The following PARVB variants were observed in gnomAD, a reference collection of about 807,000 sequenced individuals.
PARVB encodes beta-parvin.
PARVB carries 46 observed loss-of-function variants against 47.0 expected under a neutral mutation model. The observed-to-expected ratio is 0.98, with a 90% CI of 0.77 to 1.25. The LOEUF is 1.25. Ranked by LOEUF, PARVB falls within the 50% of genes most tolerant of loss-of-function variation. The pLI is 0.00. For missense variants in PARVB, 473 were observed against 471.6 expected (o/e 1.00, Z -0.03); for synonymous variants, 196 against 196.3 (o/e 1.00, Z 0.01).
chr22:44,147,795 C>A, intron 8 of PARVB, 66 bp from the exon 9 acceptor site: 1 of 1,377,858 alleles, frequency 7.3e-7, no homozygotes, highest in South Asian at 1.2e-5. Flanking sequence ...TGGCAGGGCC[C>A]TGGATTAGGG....
rs148754659 is a variant in PARVB at position 44,016,357 on chromosome 22, A to G, written c.211+16684A>G. 7.7e-4 allele frequency among the ~76,000 whole-genome samples: 117 copies of G among 152,036 alleles called. 2 individuals are homozygous for G. In the East Asian group the frequency reaches 0.022, roughly 29 times the overall value. On this transcript the variant is annotated intron_variant, in intron 2 of 13. Transcript: ENST00000406477. ...GTGATCCGCCCGCCTCAGCCTCCCA[A>G]AGTGCTGGGATTACAGGCATGAGCC... is the stretch of plus-strand genomic sequence containing the variant.
intron 2 of PARVB, among the ~76,000 whole-genome samples, chr22:44,005,389 A>G (rs980340845): frequency 6.7e-6 from 1 of 148,640 alleles, no homozygotes; most frequent in African/African-American, 2.5e-5. Context: ...CTGAGATTAC[A>G]TGTATGAGGT....
chr22:44,052,578 C>A (rs1601530720), intron 1 of PARVB, among the ~76,000 whole-genome samples: 1 of 152,216 alleles, frequency 6.6e-6, no homozygotes, highest in Admixed American at 6.5e-5. Context: ...ATCAACTCTG[C>A]CTTGGAAGCA....
chr22:44,011,930 G>A (rs886610499), intron 2 of PARVB, among the ~76,000 whole-genome samples: 7 of 152,202 alleles, frequency 4.6e-5, no homozygotes, highest in East Asian at 1.9e-4. Flanking sequence ...CATTTTGCAA[G>A]CAGGTGATAC....
In PARVB at chr22:44,100,166, G is replaced by A. The variant is rs2052408960; in HGVS notation, c.273+43G>A. 3.3e-6 allele frequency: 5 copies of A among 1,521,602 alleles called. No individual in the cohort carries two copies. The African/African-American group carries it at 6.8e-5, about 21-fold the overall frequency. The allele number at this position is 1,521,602 out of a possible 1,614,324, so 94.3% of individuals were successfully genotyped here. A position where few individuals can be genotyped will look rare whatever the true frequency, so the allele number is the denominator to read the frequency against. ...GGTTGGAATCTTCCTCTTAGGGCGA[G>A]GACTTGGCTTTGGGGTTCAGGGCTC... On this transcript the variant is annotated intron_variant, in intron 3 of 12. Transcript: ENST00000338758.
At chr22:44,000,266 C>T (rs2050401071) in intron 2 of PARVB, among the ~76,000 whole-genome samples, 1 of 152,206 alleles carries the variant, frequency 6.6e-6, no homozygotes, top group Non-Finnish European at 1.5e-5. Flanking sequence ...TGTCTGAGGA[C>T]ATTATGTACA....
intron 9 of PARVB, chr22:44,148,196 C>T (rs2053728625): frequency 2.0e-6 from 1 of 491,614 alleles, no homozygotes; most frequent in Non-Finnish European, 3.7e-6. Flanking sequence ...TGACTCGAGA[C>T]CTTTTTTCAA....
At chr22:44,102,032 T>C (rs1302124239) in intron 3 of PARVB, among the ~76,000 whole-genome samples, 1 of 152,178 alleles carries the variant, frequency 6.6e-6, no homozygotes, top group South Asian at 2.1e-4. Flanking sequence ...TATTATGATA[T>C]TGGCTCACTT....
At chr22:44,034,706 CTTTTTTTT>C (rs34429203) in intron 1 of PARVB, among the ~76,000 whole-genome samples, 1 of 107,580 alleles carries the variant, frequency 9.3e-6, no homozygotes, top group Non-Finnish European at 1.9e-5. Flanking sequence ...CCACGTGTAA[CTTTTTTTT>C]TTTTTTTTTT....
chr22:44,164,416 C>CA lies in PARVB; in HGVS notation c.1018+486_1018+487insA, dbSNP rs71674584. On this transcript the variant is annotated intron_variant, in intron 12 of 12. Coordinates refer to ENST00000338758, the MANE Select transcript of PARVB (RefSeq NM_013327.5). ...CGGGCGGTTGCTTCCCTGTCCCCCC[C>CA]CCGGCTCCTGTGCCAAGTTACCTAT... Among the ~76,000 whole-genome samples the CA allele has an allele frequency of 3.8e-3, 484 of 127,872 alleles. 10 individuals carry two copies. Among genetic ancestry groups the CA allele is most frequent in the African/African-American group, 0.011 (444 of 39,550 alleles). 83.9% of individuals were successfully genotyped at this position (127,872 alleles called of 152,430 possible). A position where few individuals can be genotyped will look rare whatever the true frequency, so the allele number is the denominator to read the frequency against.
intron 1 of PARVB, among the ~76,000 whole-genome samples, chr22:44,076,175 G>A (rs2051768580): frequency 1.3e-5 from 2 of 152,244 alleles, no homozygotes; most frequent in Admixed American, 6.5e-5. Context: ...TCCATGAGGT[G>A]GCCCTCTCAG....
At position 44,062,760 on chromosome 22, in the gene PARVB, G is replaced by A. The variant is rs191828569; in HGVS notation, c.113-31168G>A. On this transcript the variant is annotated intron_variant, in intron 1 of 12. Coordinates refer to ENST00000338758, the MANE Select transcript of PARVB (RefSeq NM_013327.5). ...AGGCACACAGGGTGAGGCCTGGGAG[G>A]GCCCCCAGCACAGGAGCTTCTGTTG... Among the ~76,000 whole-genome samples, 270 of 152,332 alleles carry A rather than the reference G, an allele frequency of 1.8e-3. 1 individual carries two copies. Among genetic ancestry groups the A allele is most frequent in the African/African-American group, 6.4e-3 (267 of 41,564 alleles).
intron 12 of PARVB, among the ~76,000 whole-genome samples, chr22:44,164,739 C>G (rs922567896): frequency 6.6e-6 from 1 of 152,178 alleles, no homozygotes; most frequent in African/African-American, 2.4e-5. Context: ...TCTCCTGAGT[C>G]CCCCATGGTG....
At position 44,125,936 on chromosome 22, in the gene PARVB, A is replaced by C. The variant is rs1200922676; in HGVS notation, c.377-5551A>C. Among the ~76,000 whole-genome samples the C allele has an allele frequency of 6.6e-6, 1 of 152,162 alleles. No homozygotes were observed. Among genetic ancestry groups the C allele is most frequent in the Non-Finnish European group, 1.5e-5 (1 of 68,030 alleles). On this transcript the variant is annotated intron_variant, in intron 4 of 12. Coordinates refer to ENST00000338758, the MANE Select transcript of PARVB (RefSeq NM_013327.5). This position sits in a 1 kb window ranked among gnomAD's most constrained non-coding sequence, Gnocchi z 4.1. Reference sequence around the variant, plus strand: ...GGGCAGACATGGGGAGGTACTGTACAGTTAAACTGCCATAGGAACCAAGAC... The same window carrying C: ...GGGCAGACATGGGGAGGTACTGTACCGTTAAACTGCCATAGGAACCAAGAC...
intron 1 of PARVB, among the ~76,000 whole-genome samples, chr22:44,034,402 G>T (rs1050521436): frequency 1.3e-4 from 19 of 151,666 alleles, no homozygotes; most frequent in African/African-American, 4.6e-4. Flanking sequence ...ATATGTTTGA[G>T]ATGGGGGTCT....
At chr22:44,112,801 A>G (rs112747331) in intron 3 of PARVB, 3 of 135,760 alleles carry the variant, frequency 2.2e-5, no homozygotes, top group South Asian at 1.7e-4. Flanking sequence ...CAACACAGAT[A>G]CATTGTTACT....
upstream of PARVB, among the ~76,000 whole-genome samples, chr22:44,020,040 C>G (rs1478690476): frequency 3.9e-5 from 6 of 152,290 alleles, no homozygotes; most frequent in East Asian, 9.6e-4. Context: ...GATTTCTCCC[C>G]GCCAGCAAGT....
intron 9 of PARVB, chr22:44,149,468 C>G (rs770573941): frequency 6.6e-6 from 1 of 152,170 alleles, no homozygotes; most frequent in Non-Finnish European, 1.5e-5. Context: ...CTCCCTGGGT[C>G]GTCCCCTCCT....
chr22:44,072,072 C>T (rs1400371196), intron 1 of PARVB, among the ~76,000 whole-genome samples: 6 of 152,214 alleles, frequency 3.9e-5, no homozygotes, highest in Non-Finnish European at 8.8e-5. Flanking sequence ...TGCCCCACGT[C>T]TGTCGTTGGG....
Sources: gnomAD v4.1 joint callset for allele counts (sites outside exome capture counted in the v4.1 genomes callset) on GRCh38, gnomAD v4.1.1 for gene constraint, Gnocchi (gnomAD v3.1) non-coding constraint, MANE v1.5 for transcripts, NCBI Gene and HGNC (gene_info 2026-07-23, HGNC 2026-07-21) for gene names.